STAC: variants seen among roughly 807,000 people sequenced by gnomAD.
The protein encoded by STAC is SH3 and cysteine rich domain.
STAC carries 43 observed loss-of-function variants against 48.8 expected under a neutral mutation model. The ratio of observed to expected loss-of-function variants is 0.88; its 90% CI spans 0.69 to 1.14. The LOEUF is 1.14. Among genes scored for constraint, STAC ranks in the 50% most tolerant of loss-of-function variants. The pLI is 0.00. For synonymous variants in STAC, 193 were observed against 179.5 expected (o/e 1.07, Z -0.60); for missense variants, 497 against 504.0 (o/e 0.99, Z 0.13).
chr3:36,435,301 A>T (rs1700805612), intron 1 of STAC, among the ~76,000 whole-genome samples: 1 of 152,106 alleles, frequency 6.6e-6, no homozygotes, highest in Admixed American at 6.5e-5. Context: ...TTCACTGAGA[A>T]TAAAGAAGCA....
chr3:36,485,151 G>T (rs1697771026), intron 4 of STAC, 93 bp downstream of exon 4: 1 of 1,013,568 alleles, frequency 9.9e-7, no homozygotes, highest in South Asian at 1.8e-5. Context: ...AACCCGTGGG[G>T]TATCTCTGTG....
chr3:36,497,257 T>A (rs1698172844), intron 6 of STAC, among the ~76,000 whole-genome samples: 1 of 152,172 alleles, frequency 6.6e-6, no homozygotes, highest in African/African-American at 2.4e-5. Context: ...AAAGATCTTT[T>A]TAAAGTTGAA....
intron 5 of STAC, among the ~76,000 whole-genome samples, chr3:36,491,387 A>G (rs963626741): frequency 6.6e-6 from 1 of 152,248 alleles, no homozygotes; most frequent in African/African-American, 2.4e-5. Flanking sequence ...ACCAAATTCA[A>G]ACAACATTCT....
chr3:36,462,412 A>G (rs1469683159), intron 2 of STAC, among the ~76,000 whole-genome samples: 1 of 152,138 alleles, frequency 6.6e-6, no homozygotes, highest in East Asian at 1.9e-4. Context: ...AGTCTTGTCT[A>G]GATTAGAGAT....
At chr3:36,509,583 G>A (rs1015439627) in intron 8 of STAC, among the ~76,000 whole-genome samples, 11 of 151,818 alleles carry the variant, frequency 7.2e-5, no homozygotes, top group African/African-American at 1.2e-4. Flanking sequence ...CATATTTCTT[G>A]GAGGCTTTGT....
chr3:36,394,121 C>T (rs1054716874), intron 1 of STAC, among the ~76,000 whole-genome samples: 8 of 152,014 alleles, frequency 5.3e-5, no homozygotes, highest in South Asian at 2.1e-4. Flanking sequence ...AACTCACCTA[C>T]GGAGAGGTGA....
At chr3:36,536,354 G>C (rs1699198082) in intron 10 of STAC, among the ~76,000 whole-genome samples, 1 of 152,246 alleles carries the variant, frequency 6.6e-6, no homozygotes, top group African/African-American at 2.4e-5. Flanking sequence ...TATACTACAA[G>C]GCTACAATAA....
At chr3:36,488,400 G>C (rs536244661) in intron 5 of STAC, among the ~76,000 whole-genome samples, 2 of 152,194 alleles carry the variant, frequency 1.3e-5, no homozygotes, top group African/African-American at 4.8e-5. Flanking sequence ...TGACTTACTC[G>C]AGGGTAACTT....
chr3:36,401,702 A>C (rs1700001764), intron 1 of STAC, among the ~76,000 whole-genome samples: 1 of 152,230 alleles, frequency 6.6e-6, no homozygotes, highest in Non-Finnish European at 1.5e-5. Context: ...TGCGGGGCCC[A>C]GTGCAAAGGG....
At chr3:36,451,661 T>A (rs1696686981) in intron 2 of STAC, among the ~76,000 whole-genome samples, 1 of 152,206 alleles carries the variant, frequency 6.6e-6, no homozygotes, top group South Asian at 2.1e-4. Context: ...ATGAGTTACA[T>A]GTGTTATTTT....
At chr3:36,426,563 CT>C (rs1700568841) in intron 1 of STAC, among the ~76,000 whole-genome samples, 1 of 152,142 alleles carries the variant, frequency 6.6e-6, no homozygotes, top group South Asian at 2.1e-4. Flanking sequence ...TTGTCTTAAT[CT>C]GTTAGCTACT....
At position 36,547,682 on chromosome 3, in the gene STAC, T is replaced by C. The variant is rs1377248025; in HGVS notation, c.*1393T>C. 1 of 152,584 alleles carries C rather than the reference T, an allele frequency of 6.6e-6. No individual in the cohort carries two copies. Among genetic ancestry groups the C allele is most frequent in the Non-Finnish European group, 1.5e-5 (1 of 68,040 alleles). 9.5% of individuals were successfully genotyped at this position (152,584 alleles called of 1,614,324 possible). ...TGCATCCTATGCATGTAAGCATTAT[T>C]TCCCAAACCAAAGCATCATTCATCT... On this transcript the variant is annotated 3_prime_UTR_variant, in exon 11 of 11. Transcript: ENST00000273183.
At chr3:36,382,056 T>C (rs1699522020) in intron 1 of STAC, among the ~76,000 whole-genome samples, 1 of 152,110 alleles carries the variant, frequency 6.6e-6, no homozygotes, top group Non-Finnish European at 1.5e-5. Flanking sequence ...TCCTTTTCCT[T>C]CCTGAGATAA....
chr3:36,427,253 G>A (rs1461968721), intron 1 of STAC, among the ~76,000 whole-genome samples: 1 of 152,168 alleles, frequency 6.6e-6, no homozygotes, highest in Non-Finnish European at 1.5e-5. Context: ...GAAGAACACT[G>A]TGAGCCTGTG....
chr3:36,535,548 A>G lies in STAC; in HGVS notation c.1110+6563A>G, dbSNP rs114284092. On this transcript the variant is annotated intron_variant, in intron 10 of 10. Transcript: ENST00000273183. Reference sequence around the variant, plus strand: ...GAGAGAGGGCATCTTTTTTGTGCCAATTTTCAAGGAGAATGCTTCCAGCTT... The same window carrying G: ...GAGAGAGGGCATCTTTTTTGTGCCAGTTTTCAAGGAGAATGCTTCCAGCTT... Among the ~76,000 whole-genome samples the G allele has an allele frequency of 7.0e-3, 1,059 of 152,198 alleles. 8 individuals are homozygous for G. Among genetic ancestry groups the G allele is most frequent in the Middle Eastern group, 0.027 (8 of 294 alleles).
At chr3:36,383,508 C>T (rs1241059665) in intron 1 of STAC, among the ~76,000 whole-genome samples, 3 of 152,154 alleles carry the variant, frequency 2.0e-5, no homozygotes, top group African/African-American at 7.2e-5. Flanking sequence ...AAATTCCAGA[C>T]ATGAAATAAC....
chr3:36,508,755 T>C (rs1698465445), intron 8 of STAC, among the ~76,000 whole-genome samples: 1 of 152,178 alleles, frequency 6.6e-6, no homozygotes, highest in Non-Finnish European at 1.5e-5. Flanking sequence ...CTTTTTTTTC[T>C]TTCCATTTGC....
chr3:36,478,672 T>C (rs1485101454), intron 2 of STAC, among the ~76,000 whole-genome samples: 1 of 152,074 alleles, frequency 6.6e-6, no homozygotes, highest in Admixed American at 6.6e-5. Context: ...TTTTTGAATA[T>C]TTAGTAGAGA....
intron 7 of STAC, among the ~76,000 whole-genome samples, chr3:36,505,183 T>C (rs887531971): frequency 3.3e-5 from 5 of 152,270 alleles, no homozygotes; most frequent in Admixed American, 2.0e-4. Context: ...CAGCTTGTAT[T>C]GTCATTATTG....
Sources: allele counts gnomAD v4.1 joint callset (sites outside exome capture counted in the v4.1 genomes callset), GRCh38; gene constraint gnomAD v4.1.1; transcripts MANE v1.5; gene names NCBI Gene and HGNC (gene_info 2026-07-23, HGNC 2026-07-21).